The following ARHGEF7 variants were observed in gnomAD, a reference collection of about 807,000 sequenced individuals.
ARHGEF7 encodes the protein PAK-interacting exchange factor beta.
ARHGEF7 carries 33 observed loss-of-function variants against 109.8 expected under a neutral mutation model. The observed-to-expected ratio is 0.30, with a 90% CI of 0.23 to 0.40. The LOEUF (loss-of-function observed/expected upper bound fraction) is 0.40. Among genes scored for constraint, ARHGEF7 ranks in the 10% least tolerant of loss-of-function variants. The pLI is 1.00. For synonymous variants in ARHGEF7, 458 were observed against 424.6 expected, an observed-to-expected ratio of 1.08 and a Z score of -0.97; for missense variants, 938 against 1,098.5, an observed-to-expected ratio of 0.85 and a Z score of 2.07.
chr13:111,166,784 T>A (rs2077167288), intron 2 of ARHGEF7, among the ~76,000 whole-genome samples: 1 of 152,168 alleles, frequency 6.6e-6, no homozygotes, highest in African/African-American at 2.4e-5. Flanking sequence ...GAAGATCAGG[T>A]CTGGACTTCA....
At chr13:111,157,981 A>T (rs1338690206) in intron 2 of ARHGEF7, among the ~76,000 whole-genome samples, 1 of 152,234 alleles carries the variant, frequency 6.6e-6, no homozygotes, top group Non-Finnish European at 1.5e-5. Context: ...CACGCCTGTA[A>T]CATGTTTACC....
At chr13:111,221,532 T>TAGATA (rs1566876331) in intron 5 of ARHGEF7, among the ~76,000 whole-genome samples, 2 of 36,670 alleles carry the variant, frequency 5.5e-5, no homozygotes, top group East Asian at 2.0e-3. Context: ...TCTATATATA[T>TAGATA]CTATATATAG....
chr13:111,215,528 C>T (rs954721929), intron 4 of ARHGEF7, among the ~76,000 whole-genome samples: 9 of 152,062 alleles, frequency 5.9e-5, no homozygotes, highest in African/African-American at 1.7e-4. Context: ...TCACTGAGAT[C>T]GGTGTTCAGG....
intron 5 of ARHGEF7, among the ~76,000 whole-genome samples, chr13:111,227,427 A>T (rs977354667): frequency 1.3e-5 from 2 of 152,246 alleles, no homozygotes; most frequent in African/African-American, 2.4e-5. Context: ...AGCCATCCAT[A>T]TCAAGGCAAG....
chr13:111,270,417 CTT>C (rs113405116), intron 9 of ARHGEF7, among the ~76,000 whole-genome samples: 15 of 145,456 alleles, frequency 1.0e-4, no homozygotes, highest in Admixed American at 6.8e-5. Flanking sequence ...TATGGCACTA[CTT>C]TTTTTTTTTT....
chr13:111,116,361 C>T (rs2066781231), intron 1 of ARHGEF7: 1 of 152,712 alleles, frequency 6.5e-6, no homozygotes, highest in African/African-American at 2.4e-5. Context: ...TTTAGTCCTG[C>T]AGGCACTGCT....
At chr13:111,158,707 G>C (rs547000443) in intron 2 of ARHGEF7, among the ~76,000 whole-genome samples, 1 of 152,204 alleles carries the variant, frequency 6.6e-6, no homozygotes, top group East Asian at 1.9e-4. Context: ...CTCATATCCA[G>C]TTTCTTTTCT....
chr13:111,121,614 G>GGGAGGT (rs1360428166), intron 1 of ARHGEF7, among the ~76,000 whole-genome samples: 1 of 152,194 alleles, frequency 6.6e-6, no homozygotes, highest in African/African-American at 2.4e-5. Flanking sequence ...CACTGCACGA[G>GGGAGGT]GGAGGTGGCA....
intron 2 of ARHGEF7, among the ~76,000 whole-genome samples, chr13:111,167,037 C>T (rs886504171): frequency 3.9e-5 from 6 of 152,106 alleles, no homozygotes; most frequent in African/African-American, 9.7e-5. Context: ...GCTAGACGTG[C>T]GTACTGACGT....
intron 1 of ARHGEF7, among the ~76,000 whole-genome samples, chr13:111,134,367 C>A (rs1228276188): frequency 6.6e-6 from 1 of 152,244 alleles, no homozygotes; most frequent in Admixed American, 6.5e-5. Context: ...GGAATTGCCA[C>A]ACTGTCTTCC....
At chr13:111,140,540 C>T (rs912080982) in intron 1 of ARHGEF7, among the ~76,000 whole-genome samples, 1 of 152,086 alleles carries the variant, frequency 6.6e-6, no homozygotes, top group African/African-American at 2.4e-5. Context: ...TAGAAGCCTG[C>T]CTGGCGAGTT....
Position 111,303,462 on chromosome 13 carries a change from T to C in ARHGEF7, c.*349T>C, listed in dbSNP as rs1006983772. 2 of 156,702 alleles carry C rather than the reference T, an allele frequency of 1.3e-5. No homozygotes were observed. Among genetic ancestry groups the C allele is most frequent in the Non-Finnish European group, 2.8e-5 (2 of 70,954 alleles). The allele number at this position is 156,702 out of a possible 1,614,324, so 9.7% of individuals were successfully genotyped here. A position where few individuals can be genotyped will look rare whatever the true frequency, so the allele number is the denominator to read the frequency against. On this transcript the variant is annotated 3_prime_UTR_variant, in exon 22 of 22. Transcript: ENST00000646102. The stretch of plus-strand genomic sequence containing the variant: ...TATATATACATGTTTCTTGTAAATA[T>C]CCCATTTTGAATGCATACCTGTGGT...
chr13:111,235,670 A>G (rs1249167304), intron 6 of ARHGEF7, among the ~76,000 whole-genome samples: 1 of 152,232 alleles, frequency 6.6e-6, no homozygotes. Flanking sequence ...AAGGTTATAC[A>G]CTGGTTACTA....
At position 111,258,071 on chromosome 13, in the gene ARHGEF7, C is replaced by CT. The variant is rs1224643281; in HGVS notation, c.951-9476dup. 1.3e-5 allele frequency among the ~76,000 whole-genome samples: 2 copies of CT among 152,230 alleles called. No individual in the cohort carries two copies. Among genetic ancestry groups the CT allele is most frequent in the Non-Finnish European group, 1.5e-5 (1 of 68,024 alleles). ...CCAGTGGCCTTGGGGGGCCTGCAACCTAGTGAGACCTCAGCCGGGGCAGCC... is the reference window on the plus strand; with the variant it reads ...CCAGTGGCCTTGGGGGGCCTGCAACCTTAGTGAGACCTCAGCCGGGGCAGCC... On this transcript the variant is annotated intron_variant, in intron 8 of 21. Coordinates refer to ENST00000646102, the MANE Select transcript of ARHGEF7 (RefSeq NM_001354046.2). The surrounding 1 kb of genome is among the most constrained non-coding windows in gnomAD (Gnocchi z 4.4).
intron 8 of ARHGEF7, among the ~76,000 whole-genome samples, chr13:111,248,646 A>G (rs1267167849): frequency 1.3e-5 from 2 of 152,170 alleles, no homozygotes; most frequent in Non-Finnish European, 2.9e-5. Flanking sequence ...GTCCCCGTGC[A>G]ACAAGTTTTT....
intron 1 of ARHGEF7, among the ~76,000 whole-genome samples, chr13:111,139,447 C>T (rs1363563051): frequency 6.6e-6 from 1 of 152,254 alleles, no homozygotes; most frequent in African/African-American, 2.4e-5. Context: ...TCTCTCATCT[C>T]TGAACTGTCA....
At chr13:111,297,207 A>C (rs905826453) in intron 19 of ARHGEF7, among the ~76,000 whole-genome samples, 2 of 152,188 alleles carry the variant, frequency 1.3e-5, no homozygotes, top group African/African-American at 4.8e-5. Context: ...TTTTAGAAAA[A>C]CTGTATGTTG....
chr13:111,198,566 A>G (rs1440683459), intron 2 of ARHGEF7, among the ~76,000 whole-genome samples: 1 of 151,990 alleles, frequency 6.6e-6, no homozygotes, highest in Non-Finnish European at 1.5e-5. Flanking sequence ...TACAGCTCTT[A>G]AAGGTGGTGT....
intron 5 of ARHGEF7, among the ~76,000 whole-genome samples, chr13:111,221,242 T>TA (rs1245203678): frequency 8.7e-5 from 4 of 46,054 alleles, no homozygotes; most frequent in African/African-American, 2.8e-4. Context: ...TAGATATATA[T>TA]GTCTATATAT....
Sources: allele counts gnomAD v4.1 joint callset (sites outside exome capture counted in the v4.1 genomes callset), GRCh38; gene constraint gnomAD v4.1.1; non-coding constraint Gnocchi (gnomAD v3.1); transcripts MANE v1.5; gene names NCBI Gene and HGNC (gene_info 2026-07-23, HGNC 2026-07-21).